The following HDX variants were observed in gnomAD, a reference collection of about 807,000 sequenced individuals.
The protein encoded by HDX is highly divergent homeobox.
In HDX, 19 loss-of-function variants were observed where a neutral mutation model predicts 45.2. The ratio of observed to expected loss-of-function variants is 0.42; its 90% CI spans 0.29 to 0.62. HDX has a LOEUF of 0.62. Ranked by LOEUF, HDX falls within the 20% of genes least tolerant of loss-of-function variation. The pLI, the probability that HDX is intolerant of heterozygous loss-of-function variation, is 0.20. For missense variants in HDX, 532 were observed against 493.9 expected, an observed-to-expected ratio of 1.08 and a Z score of -0.73; for synonymous variants, 188 against 172.8, an observed-to-expected ratio of 1.09 and a Z score of -0.69.
At chrX:84,334,211 C>G (rs771932857) in intron 8 of HDX, among the ~76,000 whole-genome samples, 16 of 111,218 alleles carry the variant, frequency 1.4e-4, no homozygotes, top group African/African-American at 4.6e-4. Flanking sequence ...GAATAGCTTT[C>G]TTTTTTAAGT....
chrX:84,468,341 A>G, intron 4 of HDX, 131 bp downstream of exon 4: 1 of 402,887 alleles, frequency 2.5e-6, no homozygotes, highest in East Asian at 4.0e-5. Flanking sequence ...TCAAGGAGTT[A>G]ACCCCAAACC....
intron 4 of HDX, among the ~76,000 whole-genome samples, chrX:84,451,574 C>T (rs1325294057): frequency 4.5e-5 from 5 of 110,858 alleles, no homozygotes; most frequent in Non-Finnish European, 9.5e-5. Context: ...GACTGAATGA[C>T]TTCACTGCCA....
intron 7 of HDX, 109 bp from the exon 8 acceptor site, chrX:84,336,989 C>G: frequency 3.9e-6 from 2 of 507,646 alleles, no homozygotes; most frequent in Non-Finnish European, 6.3e-6. Flanking sequence ...ACACAAATGG[C>G]AAATTCATTT....
intron 4 of HDX, among the ~76,000 whole-genome samples, chrX:84,442,766 T>A (rs2039789526): frequency 9.0e-6 from 1 of 111,319 alleles, no homozygotes; most frequent in African/African-American, 3.2e-5. Flanking sequence ...TCACATATTC[T>A]TTTCCATTAG....
chrX:84,325,454 T>G (rs893456830), intron 10 of HDX, among the ~76,000 whole-genome samples: 1 of 111,674 alleles, frequency 9.0e-6, no homozygotes, highest in African/African-American at 3.2e-5. Flanking sequence ...TTGGTATAAT[T>G]TAATATTACA....
chrX:84,390,838 G>C, intron 5 of HDX, among the ~76,000 whole-genome samples: 1 of 111,588 alleles, frequency 9.0e-6, no homozygotes, highest in South Asian at 3.8e-4. Context: ...TTTCTTATTG[G>C]GACATAATAT....
intron 5 of HDX, among the ~76,000 whole-genome samples, chrX:84,436,422 A>G (rs746375534): frequency 9.0e-6 from 1 of 111,315 alleles, no homozygotes; most frequent in African/African-American, 3.2e-5. Context: ...TTTTAACTTG[A>G]TTATTTGATT....
At chrX:84,491,842 G>C (rs776150400) in intron 1 of HDX, among the ~76,000 whole-genome samples, 5 of 111,433 alleles carry the variant, frequency 4.5e-5, no homozygotes, top group Non-Finnish European at 7.5e-5. Flanking sequence ...TGGCTAGTGG[G>C]AACATAACTA....
chrX:84,407,842 C>G (rs767340985), intron 5 of HDX, among the ~76,000 whole-genome samples: 31 of 111,470 alleles, frequency 2.8e-4, no homozygotes, highest in Non-Finnish European at 4.1e-4. Flanking sequence ...TGTCTGTATT[C>G]TTTTGAAAAG....
rs968472944 is a variant in HDX at position 84,333,478 on chromosome X, T to G, written c.1824+281A>C. Among the ~76,000 whole-genome samples the G allele has an allele frequency of 4.8e-4, 53 of 111,389 alleles. 1 individual carries two copies. The highest frequency in any genetic ancestry group is 1.6e-3 in the African/African-American group (50 of 30,730). ...GAACATTGGCTTTATAAAAGCTTTG[T>G]CATACATTTCATGTTGGCCATGACC... On this transcript the variant is annotated intron_variant, in intron 9 of 10. Transcript: ENST00000373177.
chrX:84,325,099 C>A (rs998315355), intron 10 of HDX, among the ~76,000 whole-genome samples: 1 of 110,478 alleles, frequency 9.1e-6, no homozygotes, highest in Non-Finnish European at 1.9e-5. Flanking sequence ...ATTCGTGAAA[C>A]TTGACACATA....
intron 5 of HDX, among the ~76,000 whole-genome samples, chrX:84,414,897 A>G (rs1484567257): frequency 8.9e-6 from 1 of 112,238 alleles, no homozygotes; most frequent in Non-Finnish European, 1.9e-5. Flanking sequence ...AGTACAATAA[A>G]TATGCTAGTA....
chrX:84,478,377 G>C (rs1182915266), intron 2 of HDX, among the ~76,000 whole-genome samples: 1 of 111,478 alleles, frequency 9.0e-6, no homozygotes, highest in African/African-American at 3.3e-5. Context: ...CAGCTTCTAA[G>C]AATGTCTGCT....
At chrX:84,463,806 T>C (rs918962020) in intron 4 of HDX, among the ~76,000 whole-genome samples, 4 of 110,665 alleles carry the variant, frequency 3.6e-5, no homozygotes, top group African/African-American at 1.3e-4. Context: ...CTGGAGAGTT[T>C]TTGAAATGGA....
chrX:84,459,047 A>G (rs958156535), intron 4 of HDX, among the ~76,000 whole-genome samples: 2 of 112,397 alleles, frequency 1.8e-5, no homozygotes, highest in African/African-American at 3.2e-5. Flanking sequence ...TCTGGTCACA[A>G]TGGAATAAAA....
At chrX:84,409,008 A>G (rs2038912883) in intron 5 of HDX, among the ~76,000 whole-genome samples, 1 of 111,278 alleles carries the variant, frequency 9.0e-6, no homozygotes, top group South Asian at 3.8e-4. Flanking sequence ...TCTACAATGA[A>G]CTCAAACAAA....
chrX:84,333,788 C>G lies in HDX; in HGVS notation c.1795G>C (p.Glu599Gln), dbSNP rs763341370. Residue 599 changes from glutamate (E) to glutamine (Q), a missense_variant, in exon 9 of 11, where the codon GAA (glutamate) becomes CAA (glutamine). Transcript: ENST00000373177. Reference protein sequence around the residue: ...ESDMISNSEVEQVNSFLDYKN... With the variant: ...ESDMISNSEVQQVNSFLDYKN... ...TAATCCAAGAAAGAGTTTACTTGTT[C>G]TACTTCAGAATTACTTATCATGTCA... is the stretch of plus-strand genomic sequence containing the variant. The G allele has an allele frequency of 1.0e-6, 1 of 966,857 alleles. No individual in the cohort carries two copies. The highest frequency in any genetic ancestry group is 2.1e-5 in the South Asian group (1 of 47,642). The allele number at this position is 966,857 out of a possible 1,213,427, so 79.7% of individuals were successfully genotyped here. A position where few individuals can be genotyped will look rare whatever the true frequency, so the allele number is the denominator to read the frequency against.
chrX:84,392,731 A>G (rs1306595053), intron 5 of HDX, among the ~76,000 whole-genome samples: 1 of 110,324 alleles, frequency 9.1e-6, no homozygotes, highest in Non-Finnish European at 1.9e-5. Context: ...ATTAGTGAAT[A>G]GAAATTCTAC....
At chrX:84,459,270 G>A (rs749340264) in intron 4 of HDX, among the ~76,000 whole-genome samples, 1 of 109,559 alleles carries the variant, frequency 9.1e-6, no homozygotes, top group East Asian at 2.9e-4. Flanking sequence ...GTGAAACCCC[G>A]TCTTTACTAA....
Sources: allele counts gnomAD v4.1 joint callset (sites outside exome capture counted in the v4.1 genomes callset), GRCh38; gene constraint gnomAD v4.1.1; transcripts MANE v1.5; gene names NCBI Gene and HGNC (gene_info 2026-07-23, HGNC 2026-07-21).